The following ZNF626 variants were observed in gnomAD, a reference collection of about 807,000 sequenced individuals.
ZNF626 encodes CTC-513N18.7.
ZNF626 carries 4 observed loss-of-function variants against 11.7 expected under a neutral mutation model. The ratio of observed to expected loss-of-function variants is 0.34; its 90% CI spans 0.17 to 0.78. The LOEUF (loss-of-function observed/expected upper bound fraction) is 0.78. Ranked by LOEUF, ZNF626 falls within the 30% of genes least tolerant of loss-of-function variation. The pLI is 0.57. For synonymous variants in ZNF626, 179 were observed against 198.6 expected (o/e 0.90, Z 0.83); for missense variants, 588 against 587.1 (o/e 1.00, Z -0.01).
Position 20,661,543 on chromosome 19 carries a change from G to C in ZNF626, c.-97C>G, listed in dbSNP as rs1047519605. On this transcript the variant is annotated 5_prime_UTR_variant, in exon 1 of 4. Transcript: ENST00000601440. ...GCCTGGGCCTTTAGGAGAAGAACCAGACCTGGAGCTCTGACTGCAGCGAGA... is the reference window on the plus strand; with the variant it reads ...GCCTGGGCCTTTAGGAGAAGAACCACACCTGGAGCTCTGACTGCAGCGAGA... The C allele has an allele frequency of 4.9e-6, 4 of 814,754 alleles. No homozygotes were observed. The African/African-American group carries it at 5.1e-5, about 10-fold the overall frequency. 50.5% of individuals were successfully genotyped at this position (814,754 alleles called of 1,614,324 possible).
intron 3 of ZNF626, among the ~76,000 whole-genome samples, chr19:20,631,061 A>T (rs1969899010): frequency 6.6e-6 from 1 of 152,058 alleles, no homozygotes; most frequent in Non-Finnish European, 1.5e-5. Context: ...CAGGTTGTTC[A>T]GTTTCCATGT....
In ZNF626 at chr19:20,629,895, G is replaced by A. The variant is rs1180812659; in HGVS notation, c.227-4245C>T. 5.3e-5 allele frequency among the ~76,000 whole-genome samples: 8 copies of A among 152,176 alleles called. 1 individual carries two copies. The highest frequency in any genetic ancestry group is 1.2e-4 in the Non-Finnish European group (8 of 68,042). On this transcript the variant is annotated intron_variant, in intron 3 of 3. Transcript: ENST00000601440. ...CATGCTTCCAGTTTTTGCCCGTTCA[G>A]TATGATATTGGCTGTGGGTTTGTCA...
intron 1 of ZNF626, among the ~76,000 whole-genome samples, chr19:20,660,878 TAGA>T (rs1332394439): frequency 5.3e-5 from 8 of 151,870 alleles, no homozygotes; most frequent in Non-Finnish European, 1.2e-4. Context: ...GAAAAGGGGG[TAGA>T]AGAAGAGGTA....
intron 1 of ZNF626, among the ~76,000 whole-genome samples, chr19:20,650,218 T>G (rs951261193): frequency 4.0e-5 from 6 of 151,476 alleles, no homozygotes; most frequent in African/African-American, 9.7e-5. Context: ...TTTTATTGCT[T>G]CTTCTGTTTC....
intron 1 of ZNF626, among the ~76,000 whole-genome samples, chr19:20,656,105 C>T (rs1455317419): frequency 6.6e-6 from 1 of 151,928 alleles, no homozygotes; most frequent in African/African-American, 2.4e-5. Flanking sequence ...ACAAGACCAA[C>T]ACAACAGAAT....
At chr19:20,654,439 G>A (rs1970182295) in intron 1 of ZNF626, among the ~76,000 whole-genome samples, 1 of 140,886 alleles carries the variant, frequency 7.1e-6, no homozygotes. Context: ...GCCAGGCGCG[G>A]TGGCTTACAC....
In ZNF626 at chr19:20,645,741, CCAGA is replaced by C; in HGVS notation, c.165_168del (p.Cys55TrpfsTer8). 6.2e-7 allele frequency: 1 copy of C among 1,611,506 alleles called. No individual in the cohort carries two copies. Among genetic ancestry groups the C allele is most frequent in the Non-Finnish European group, 8.5e-7 (1 of 1,179,406 alleles). On this transcript the variant is annotated frameshift_variant, in exon 3 of 4. Transcript: ENST00000601440. LOFTEE classifies it high-confidence loss of function. Reference sequence around the variant, plus strand: ...ATGGTCAAAGGTTTTCTTCCTTGCTCCAGACAGGTGATCAGGTCTGGCTTAGAAA... The same window carrying C: ...ATGGTCAAAGGTTTTCTTCCTTGCTCCAGGTGATCAGGTCTGGCTTAGAAA...
rs565198755 is a variant in ZNF626, at chr19:20,629,390, G to A, written c.227-3740C>T. 5.9e-5 allele frequency among the ~76,000 whole-genome samples: 9 copies of A among 152,220 alleles called. No homozygotes were observed. In the East Asian group the frequency reaches 9.6e-4, roughly 16 times the overall value. ...CCCTGGGCTGTATGGCTATTTTCAC[G>A]ATATTGATTCTTCCTATTCATGAGC... On this transcript the variant is annotated intron_variant, in intron 3 of 3. Coordinates refer to ENST00000601440, the MANE Select transcript of ZNF626 (RefSeq NM_001076675.3).
chr19:20,655,075 G>A (rs1555772957), intron 1 of ZNF626, among the ~76,000 whole-genome samples: 1 of 150,174 alleles, frequency 6.7e-6, no homozygotes, highest in African/African-American at 2.5e-5. Flanking sequence ...TCACACAACT[G>A]CACTCCAGCC....
chr19:20,639,582 C>T (rs918038428), intron 3 of ZNF626, among the ~76,000 whole-genome samples: 3 of 152,102 alleles, frequency 2.0e-5, no homozygotes, highest in Non-Finnish European at 4.4e-5. Flanking sequence ...TACAAACAAA[C>T]CAACCATTAA....
rs1969773638 is a variant in ZNF626 at position 20,622,897 on chromosome 19, G to GCAT, written c.*1392_*1393insATG. The GCAT allele has an allele frequency of 1.4e-5, 2 of 139,220 alleles. No homozygotes were observed. Among genetic ancestry groups the GCAT allele is most frequent in the Admixed American group, 1.4e-4 (2 of 14,050 alleles). 8.6% of individuals were successfully genotyped at this position (139,220 alleles called of 1,614,324 possible). On this transcript the variant is annotated 3_prime_UTR_variant, in exon 4 of 4. Transcript: ENST00000601440. ...TATAAACTCTGCTGTTTTCTAAGCTGTAGTTTTTTTTTTTTAAAGTGTTTC... is the reference window on the plus strand; with the variant it reads ...TATAAACTCTGCTGTTTTCTAAGCTGCATTAGTTTTTTTTTTTTAAAGTGTTTC...
At chr19:20,632,329 T>C (rs1395078925) in intron 3 of ZNF626, among the ~76,000 whole-genome samples, 5 of 152,206 alleles carry the variant, frequency 3.3e-5, no homozygotes, top group African/African-American at 1.2e-4. Context: ...ATTTGAATGT[T>C]GGTCTGCCTT....
chr19:20,661,184 G>A (rs1970263426), intron 1 of ZNF626, among the ~76,000 whole-genome samples: 1 of 142,020 alleles, frequency 7.0e-6, no homozygotes, highest in Non-Finnish European at 1.6e-5. Context: ...GAGACGCCAC[G>A]CTGCGGGTGC....
chr19:20,652,110 T>C (rs925595611), intron 1 of ZNF626, among the ~76,000 whole-genome samples: 1 of 152,218 alleles, frequency 6.6e-6, no homozygotes, highest in Non-Finnish European at 1.5e-5. Flanking sequence ...CTTAGTTTTC[T>C]GTACATTCTC....
chr19:20,628,288 T>C (rs1240051740), intron 3 of ZNF626, among the ~76,000 whole-genome samples: 3 of 152,230 alleles, frequency 2.0e-5, no homozygotes, highest in African/African-American at 2.4e-5. Context: ...CCTTTGGGTA[T>C]ATACCCAGTA....
intron 1 of ZNF626, among the ~76,000 whole-genome samples, chr19:20,650,984 C>A (rs1260882201): frequency 6.6e-6 from 1 of 151,980 alleles, no homozygotes; most frequent in Non-Finnish European, 1.5e-5. Context: ...GTCAGGAGTT[C>A]AAGACCAGAC....
intron 1 of ZNF626, among the ~76,000 whole-genome samples, chr19:20,648,831 CATTTTT>C (rs1350789037): frequency 2.0e-5 from 3 of 152,292 alleles, no homozygotes; most frequent in Admixed American, 6.5e-5. Context: ...ACAAAGGGAA[CATTTTT>C]AATATTGCAG....
chr19:20,623,979 G>T lies in ZNF626; in HGVS notation c.*311C>A. On this transcript the variant is annotated 3_prime_UTR_variant, in exon 4 of 4. Transcript: ENST00000601440. ...ATATCAATTCTTAGTTAGAAATTGA[G>T]GGCTGGTTAAAAGATTTTCCCCATT... 2 of 517,056 alleles carry T rather than the reference G, an allele frequency of 3.9e-6. No individual in the cohort carries two copies. The highest frequency in any genetic ancestry group is 7.1e-6 in the Non-Finnish European group (2 of 282,172). The allele number at this position is 517,056 out of a possible 1,614,324, so 32.0% of individuals were successfully genotyped here.
intron 3 of ZNF626, among the ~76,000 whole-genome samples, chr19:20,636,433 AT>A (rs1418386841): frequency 6.6e-6 from 1 of 152,052 alleles, no homozygotes; most frequent in African/African-American, 2.4e-5. Flanking sequence ...ATTCCCAAAA[AT>A]ATATAACACA....
Sources: allele counts gnomAD v4.1 joint callset (sites outside exome capture counted in the v4.1 genomes callset), GRCh38; gene constraint gnomAD v4.1.1; transcripts MANE v1.5; gene names NCBI Gene and HGNC (gene_info 2026-07-23, HGNC 2026-07-21).